The following MCCC1 variants were observed in gnomAD, a reference collection of about 807,000 sequenced individuals.
MCCC1 encodes methylcrotonoyl-CoA carboxylase subunit alpha, mitochondrial.
A neutral mutation model predicts 83.8 loss-of-function variants in MCCC1; 64 were observed. The observed-to-expected ratio is 0.76, with a 90% confidence interval of 0.62 to 0.94. The LOEUF (loss-of-function observed/expected upper bound fraction) is 0.94, where lower values mean the gene tolerates loss of function less well. MCCC1 is among the 40% of genes least tolerant of loss of function. MCCC1 has a pLI of 0.00. For missense variants in MCCC1, 807 were observed against 904.7 expected (o/e 0.89, Z 1.39); for synonymous variants, 322 against 315.4 (o/e 1.02, Z -0.22).
At chr3:183,079,326 G>T (rs984329691) in intron 4 of MCCC1, among the ~76,000 whole-genome samples, 1 of 152,160 alleles carries the variant, frequency 6.6e-6, no homozygotes, top group African/African-American at 2.4e-5. Context: ...GGATACAATG[G>T]GGTTATAGGC....
intron 3 of MCCC1, among the ~76,000 whole-genome samples, chr3:183,089,776 C>T (rs1718180948): frequency 6.6e-6 from 1 of 152,100 alleles, no homozygotes; most frequent in Admixed American, 6.6e-5. Flanking sequence ...TGCTCAAAGA[C>T]TTCTAGATCT....
At chr3:183,114,132 G>T (rs548108699) in intron 1 of MCCC1, among the ~76,000 whole-genome samples, 1 of 152,118 alleles carries the variant, frequency 6.6e-6, no homozygotes, top group African/African-American at 2.4e-5. Flanking sequence ...AGCTATATCC[G>T]CAGTGCCCAA....
intron 1 of MCCC1, among the ~76,000 whole-genome samples, chr3:183,114,974 C>A (rs1178703509): frequency 6.6e-6 from 1 of 152,152 alleles, no homozygotes; most frequent in African/African-American, 2.4e-5. Context: ...TAATGACAGT[C>A]TCCCGGCTCG....
At chr3:183,087,865 T>G (rs1157758139) in intron 3 of MCCC1, among the ~76,000 whole-genome samples, 1 of 140,262 alleles carries the variant, frequency 7.1e-6, no homozygotes. Flanking sequence ...GCGAGACTCC[T>G]TCTCAAAAAA....
chr3:183,017,257 T>C lies in MCCC1; in HGVS notation c.2049+9A>G, dbSNP rs1711715793. ...GTCCTCATAGCAAATGAACTCATGATTTCCTTACCTCCATCTTCATGGCGA... is the reference window on the plus strand; with the variant it reads ...GTCCTCATAGCAAATGAACTCATGACTTCCTTACCTCCATCTTCATGGCGA... On this transcript the variant is annotated intron_variant, in intron 18 of 18. Transcript: ENST00000265594. 1 of 1,613,220 alleles carries C rather than the reference T, an allele frequency of 6.2e-7. No individual in the cohort carries two copies. The highest frequency in any genetic ancestry group is 8.5e-7 in the Non-Finnish European group (1 of 1,179,644).
intron 4 of MCCC1, among the ~76,000 whole-genome samples, chr3:183,078,616 TAA>T: frequency 6.6e-6 from 1 of 152,234 alleles, no homozygotes; most frequent in Non-Finnish European, 1.5e-5. Flanking sequence ...ACTTTATTCC[TAA>T]CTATTTGATT....
Position 183,034,012 on chromosome 3 carries a change from T to G in MCCC1, c.1660A>C (p.Thr554Pro), listed in dbSNP as rs1436342543. The G allele has an allele frequency of 6.2e-7, 1 of 1,608,792 alleles. No homozygotes were observed. The highest frequency in any genetic ancestry group is 8.5e-7 in the Non-Finnish European group (1 of 1,175,986). Reference sequence around the variant, plus strand: ...TTACTGTTTTTACCATCTTTAAGAGTCATGTTTCTGGTATACGAGATATTC... The same window carrying G: ...TTACTGTTTTTACCATCTTTAAGAGGCATGTTTCTGGTATACGAGATATTC... ...RLNISYTRNM[T>P]LKDGKNNVAI... The change falls in exon 14 of 19, where the codon ACT (threonine) becomes CCT (proline). Residue 554 changes from threonine to proline, a missense_variant. Physicochemically the swap from Thr to Pro is conservative, Grantham distance 38. Coordinates refer to ENST00000265594, the MANE Select transcript of MCCC1 (RefSeq NM_020166.5).
chr3:183,063,749 G>A (rs749354235), intron 7 of MCCC1, among the ~76,000 whole-genome samples: 3 of 152,098 alleles, frequency 2.0e-5, no homozygotes, highest in Non-Finnish European at 2.9e-5. Flanking sequence ...GACCACAGAA[G>A]GGACAATACT....
At chr3:183,094,047 A>C (rs926825230) in intron 2 of MCCC1, among the ~76,000 whole-genome samples, 1 of 141,916 alleles carries the variant, frequency 7.0e-6, no homozygotes, top group African/African-American at 2.6e-5. Flanking sequence ...ATTTATTTTT[A>C]CTTTTTTTTT....
rs770575780 is a variant in MCCC1 at position 183,045,441 on chromosome 3, C to T, written c.1055G>A (p.Gly352Glu). 2 of 1,614,120 alleles carry T rather than the reference C, an allele frequency of 1.2e-6. No individual in the cohort carries two copies. Among genetic ancestry groups the T allele is most frequent in the Non-Finnish European group, 1.7e-6 (2 of 1,179,996 alleles). Residue 352 changes from glycine to glutamate, a missense_variant, in exon 10 of 19, where the codon GGA becomes GAA. By Grantham distance (98) the Gly-to-Glu change is moderately conservative. Coordinates refer to ENST00000265594, the MANE Select transcript of MCCC1 (RefSeq NM_020166.5). ...AAGCTGCCACTCCACCAAGTCAGTT[C>T]CTGTGATCATCTCAGTAACAGGATG... ...VEHPVTEMITGTDLVEWQLRI... is the reference protein window; with the variant it reads ...VEHPVTEMITETDLVEWQLRI...
At chr3:183,070,176 C>T (rs1182375654) in intron 7 of MCCC1, among the ~76,000 whole-genome samples, 1 of 152,158 alleles carries the variant, frequency 6.6e-6, no homozygotes, top group Non-Finnish European at 1.5e-5. Context: ...CTCCTATTAA[C>T]AGCATATCAC....
intron 7 of MCCC1, among the ~76,000 whole-genome samples, chr3:183,065,194 C>T (rs1174475767): frequency 3.3e-5 from 5 of 151,934 alleles, no homozygotes; most frequent in Non-Finnish European, 7.4e-5. Flanking sequence ...CAGTTATAAA[C>T]TTTGCTGCAG....
At chr3:183,099,218 C>T in intron 1 of MCCC1, 134 bp downstream of exon 1, 1 of 1,033,260 alleles carries the variant, frequency 9.7e-7, no homozygotes, top group Non-Finnish European at 1.4e-6. Flanking sequence ...CAGAACCCCT[C>T]CGAAAGTGCC....
At chr3:183,085,713 C>T (rs1717845567) in intron 4 of MCCC1, among the ~76,000 whole-genome samples, 1 of 150,760 alleles carries the variant, frequency 6.6e-6, no homozygotes, top group African/African-American at 2.4e-5. Flanking sequence ...CTACCACTTT[C>T]TTCCTGTAAG....
intron 17 of MCCC1, among the ~76,000 whole-genome samples, chr3:183,019,515 G>A (rs1711968645): frequency 6.6e-6 from 1 of 152,144 alleles, no homozygotes; most frequent in South Asian, 2.1e-4. Context: ...TTATGAAATC[G>A]GTAAGTAGAC....
intron 14 of MCCC1, among the ~76,000 whole-genome samples, chr3:183,027,781 CCTAA>C (rs2108449746): frequency 6.6e-6 from 1 of 152,220 alleles, no homozygotes; most frequent in South Asian, 2.1e-4. Context: ...AGAGCAAGGC[CCTAA>C]CTCTCTTCAA....
intron 8 of MCCC1, among the ~76,000 whole-genome samples, chr3:183,052,477 G>A (rs1489069617): frequency 6.6e-6 from 1 of 152,124 alleles, no homozygotes; most frequent in Admixed American, 6.6e-5. Context: ...TGGTGAGGCT[G>A]GTGTCAACAA....
intron 17 of MCCC1, among the ~76,000 whole-genome samples, chr3:183,019,284 T>C (rs1259239648): frequency 2.0e-5 from 3 of 152,372 alleles, no homozygotes; most frequent in East Asian, 1.9e-4. Context: ...TTTGATGTTA[T>C]ATCAGTATGT....
chr3:183,059,752 T>G (rs1191640340), intron 7 of MCCC1, among the ~76,000 whole-genome samples: 1 of 152,218 alleles, frequency 6.6e-6, no homozygotes, highest in African/African-American at 2.4e-5. Context: ...TCCTTCATAC[T>G]TGAAGCATAA....
Sources: gnomAD v4.1 joint callset for allele counts (sites outside exome capture counted in the v4.1 genomes callset) on GRCh38, gnomAD v4.1.1 for gene constraint, MANE v1.5 for transcripts, NCBI Gene and HGNC (gene_info 2026-07-23, HGNC 2026-07-21) for gene names.